The following DGKI variants were observed in gnomAD, a reference collection of about 807,000 sequenced individuals.
DGKI encodes the protein diacylglycerol kinase iota.
DGKI carries 55 observed loss-of-function variants against 147.5 expected under a neutral mutation model. The observed-to-expected ratio is 0.37, with a 90% confidence interval of 0.30 to 0.47. The LOEUF (loss-of-function observed/expected upper bound fraction) is 0.47, where lower values mean the gene tolerates loss of function less well. DGKI is among the 20% of genes least tolerant of loss of function. The pLI is 1.00. For synonymous variants in DGKI, 469 were observed against 477.1 expected (o/e 0.98, Z 0.22); for missense variants, 1,007 against 1,323.8 (o/e 0.76, Z 3.71).
intron 6 of DGKI, among the ~76,000 whole-genome samples, chr7:137,638,626 A>G (rs1250626496): frequency 1.1e-4 from 1 of 9,190 alleles, no homozygotes; most frequent in African/African-American, 6.3e-4. Flanking sequence ...ACACACATAT[A>G]TATGTGTGTA....
chr7:137,763,447 A>T (rs910347287), intron 1 of DGKI, among the ~76,000 whole-genome samples: 1 of 152,122 alleles, frequency 6.6e-6, no homozygotes, highest in African/African-American at 2.4e-5. Flanking sequence ...TTGGCTTAAC[A>T]TTCTCAGTGG....
In DGKI at chr7:137,825,997, C is replaced by T. The variant is rs542033104; in HGVS notation, c.401+20465G>A. Among the ~76,000 whole-genome samples, 20 of 152,246 alleles carry T rather than the reference C, an allele frequency of 1.3e-4. 1 individual carries two copies. The South Asian group carries it at 4.1e-3, about 32-fold the overall frequency. Reference sequence around the variant, plus strand: ...TAGAATTATGAACTTGCTTAGTAGTCTCCACATTATTAACAATTGGATTTA... The same window carrying T: ...TAGAATTATGAACTTGCTTAGTAGTTTCCACATTATTAACAATTGGATTTA... On this transcript the variant is annotated intron_variant, in intron 1 of 32. Coordinates refer to ENST00000614521, the MANE Select transcript of DGKI (RefSeq NM_001321708.2).
intron 30 of DGKI, among the ~76,000 whole-genome samples, chr7:137,402,554 C>A (rs1014524921): frequency 1.3e-5 from 2 of 152,212 alleles, no homozygotes; most frequent in Non-Finnish European, 2.9e-5. Flanking sequence ...ACTTTGTCAT[C>A]AATATTATAT....
intron 28 of DGKI, among the ~76,000 whole-genome samples, chr7:137,414,481 AGAG>A (rs1382836519): frequency 6.6e-6 from 1 of 152,132 alleles, no homozygotes; most frequent in Non-Finnish European, 1.5e-5. Context: ...AAACAGAAAA[AGAG>A]AAGAAAAGAG....
At chr7:137,820,851 TC>T (rs1166386169) in intron 1 of DGKI, among the ~76,000 whole-genome samples, 3 of 151,920 alleles carry the variant, frequency 2.0e-5, no homozygotes, top group Non-Finnish European at 4.4e-5. Flanking sequence ...CGCAAGGGCC[TC>T]CCCCAGCCGG....
chr7:137,460,412 C>T (rs1425948084), intron 27 of DGKI, among the ~76,000 whole-genome samples: 2 of 152,170 alleles, frequency 1.3e-5, no homozygotes, highest in African/African-American at 2.4e-5. Flanking sequence ...TAAAAACCCA[C>T]ATATATCAAT....
intron 19 of DGKI, among the ~76,000 whole-genome samples, chr7:137,559,951 C>A (rs752638699): frequency 6.6e-5 from 10 of 152,004 alleles, no homozygotes; most frequent in East Asian, 1.9e-4. Flanking sequence ...AAGAAATATA[C>A]CCTATCCATC....
intron 27 of DGKI, among the ~76,000 whole-genome samples, chr7:137,448,122 C>A (rs890868999): frequency 6.6e-6 from 1 of 152,004 alleles, no homozygotes. Flanking sequence ...TCATACACAA[C>A]AAAATCTATG....
intron 28 of DGKI, among the ~76,000 whole-genome samples, chr7:137,432,737 G>C (rs1372347844): frequency 5.3e-5 from 8 of 152,196 alleles, no homozygotes; most frequent in Admixed American, 5.2e-4. Flanking sequence ...CTCTTTAGCA[G>C]GGTACTACCT....
At position 137,611,317 on chromosome 7, in the gene DGKI, G is replaced by A. The variant is rs948446589; in HGVS notation, c.994-1708C>T. On this transcript the variant is annotated intron_variant, in intron 8 of 32. Transcript: ENST00000614521. ...GCTTCTCAACCATCTCTACACATTG[G>A]CATCACCCAGAGAGTTTTGAAAAAT... 2.0e-4 allele frequency among the ~76,000 whole-genome samples: 31 copies of A among 152,096 alleles called. 1 individual carries two copies. Among genetic ancestry groups the A allele is most frequent in the Admixed American group, 2.0e-3 (30 of 15,266 alleles).
chr7:137,388,804 CTTTTT>C lies in DGKI; in HGVS notation c.*2411_*2415del, dbSNP rs61181444. On this transcript the variant is annotated 3_prime_UTR_variant, in exon 33 of 33. Coordinates refer to ENST00000614521, the MANE Select transcript of DGKI (RefSeq NM_001321708.2). ...CATGAATAACACAGGACTCTAATGC[CTTTTT>C]TTTTTTTGGTTTGAAAAAATTTCCA... The C allele has an allele frequency of 7.0e-6, 1 of 142,190 alleles. No individual in the cohort carries two copies. The highest frequency in any genetic ancestry group is 2.6e-5 in the African/African-American group (1 of 39,058). The allele number at this position is 142,190 out of a possible 1,614,324, so 8.8% of individuals were successfully genotyped here. A position where few individuals can be genotyped will look rare whatever the true frequency, so the allele number is the denominator to read the frequency against.
chr7:137,625,129 C>T (rs1334876831), intron 6 of DGKI, among the ~76,000 whole-genome samples: 3 of 152,158 alleles, frequency 2.0e-5, no homozygotes, highest in African/African-American at 7.2e-5. Flanking sequence ...ACTCCCTGTG[C>T]AGAAAAGAGT....
At chr7:137,478,638 G>A (rs970737980) in intron 23 of DGKI, among the ~76,000 whole-genome samples, 12 of 152,168 alleles carry the variant, frequency 7.9e-5, no homozygotes, top group Non-Finnish European at 1.6e-4. Context: ...TGATTCAGGG[G>A]CATCCTCTAG....
At chr7:137,587,263 AAGAAAAC>A in intron 12 of DGKI, 53 bp from the exon 13 acceptor site, 1 of 1,410,256 alleles carries the variant, frequency 7.1e-7, no homozygotes, top group Non-Finnish European at 9.6e-7. Flanking sequence ...ATAAGTTACA[AAGAAAAC>A]AGTTTGAGAA....
intron 2 of DGKI, among the ~76,000 whole-genome samples, chr7:137,680,427 C>T (rs1055094983): frequency 6.6e-6 from 1 of 152,204 alleles, no homozygotes; most frequent in African/African-American, 2.4e-5. Context: ...ATAACCTACT[C>T]CAGCAGTGTC....
At chr7:137,395,927 G>A in intron 31 of DGKI, 2 of 497,936 alleles carry the variant, frequency 4.0e-6, no homozygotes, top group East Asian at 3.1e-5. Context: ...AAATAGTGTT[G>A]ATTAAGTTTA....
chr7:137,778,218 G>A (rs561570482), intron 1 of DGKI, among the ~76,000 whole-genome samples: 7 of 152,160 alleles, frequency 4.6e-5, no homozygotes, highest in South Asian at 2.1e-4. Context: ...GAGTTAGCCC[G>A]GCTACAAAGA....
At chr7:137,491,839 G>T (rs906831695) in intron 21 of DGKI, among the ~76,000 whole-genome samples, 6 of 152,178 alleles carry the variant, frequency 3.9e-5, no homozygotes, top group African/African-American at 1.4e-4. Flanking sequence ...CACTCTACAT[G>T]ACTCCTGTGA....
At chr7:137,483,885 T>C (rs1815460762) in intron 23 of DGKI, among the ~76,000 whole-genome samples, 1 of 152,112 alleles carries the variant, frequency 6.6e-6, no homozygotes, top group Admixed American at 6.6e-5. Flanking sequence ...TTTGCTATTG[T>C]GAAAGCACTA....
Sources: gnomAD v4.1 joint callset for allele counts (sites outside exome capture counted in the v4.1 genomes callset) on GRCh38, gnomAD v4.1.1 for gene constraint, MANE v1.5 for transcripts, NCBI Gene and HGNC (gene_info 2026-07-23, HGNC 2026-07-21) for gene names.